NAALADL2: variants seen among roughly 807,000 people sequenced by gnomAD.
NAALADL2 encodes N-acetylated alpha-linked acidic dipeptidase like 2.
A neutral mutation model predicts 87.2 loss-of-function variants in NAALADL2; 76 were observed. The observed-to-expected ratio is 0.87, with a 90% CI of 0.72 to 1.05. NAALADL2 has a LOEUF of 1.05. Ranked by LOEUF, NAALADL2 falls within the 50% of genes least tolerant of loss-of-function variation. NAALADL2 has a pLI of 0.00. For missense variants in NAALADL2, 1,089 were observed against 945.8 expected, an observed-to-expected ratio of 1.15 and a Z score of -1.99; for synonymous variants, 354 against 331.0, an observed-to-expected ratio of 1.07 and a Z score of -0.75.
chr3:175,210,159 G>C (rs917995674), intron 2 of NAALADL2, among the ~76,000 whole-genome samples: 2 of 151,794 alleles, frequency 1.3e-5, no homozygotes, highest in African/African-American at 4.8e-5. Flanking sequence ...GGGTTGAATA[G>C]GGCGTTTACA....
At chr3:175,278,949 A>T (rs1021971456) in intron 4 of NAALADL2, among the ~76,000 whole-genome samples, 1 of 152,160 alleles carries the variant, frequency 6.6e-6, no homozygotes, top group African/African-American at 2.4e-5. Flanking sequence ...AAGTTAGATT[A>T]TATTTTTGTT....
At chr3:174,707,376 G>A (rs1455698950) in intron 2 of NAALADL2, among the ~76,000 whole-genome samples, 1 of 152,098 alleles carries the variant, frequency 6.6e-6, no homozygotes, top group Admixed American at 6.5e-5. Flanking sequence ...ATTCACAATA[G>A]CAAAGACTTG....
chr3:175,161,750 C>T (rs1356575660), intron 2 of NAALADL2, among the ~76,000 whole-genome samples: 2 of 150,040 alleles, frequency 1.3e-5, no homozygotes, highest in Non-Finnish European at 2.9e-5. Flanking sequence ...GTTTTATATT[C>T]TTCTTATAGT....
intron 8 of NAALADL2, among the ~76,000 whole-genome samples, chr3:175,469,633 C>T (rs2149286951): frequency 6.6e-6 from 1 of 152,126 alleles, no homozygotes; most frequent in African/African-American, 2.4e-5. Flanking sequence ...ACCATTTCTT[C>T]TGTGAAGAAT....
intron 11 of NAALADL2, among the ~76,000 whole-genome samples, chr3:175,732,027 T>G (rs2150066732): frequency 6.6e-6 from 1 of 152,330 alleles, no homozygotes; most frequent in African/African-American, 2.4e-5. Flanking sequence ...TCTTGTATGA[T>G]TTGGATGAAG....
intron 2 of NAALADL2, among the ~76,000 whole-genome samples, chr3:174,632,554 A>T (rs1403620951): frequency 6.6e-6 from 1 of 152,124 alleles, no homozygotes; most frequent in Admixed American, 6.5e-5. Context: ...TTCAGGGTTC[A>T]TTTTGGGTGA....
intron 4 of NAALADL2, among the ~76,000 whole-genome samples, chr3:175,291,178 CAT>C (rs1755596944): frequency 2.0e-5 from 3 of 152,104 alleles, no homozygotes; most frequent in Non-Finnish European, 1.5e-5. Context: ...AATAAATTCA[CAT>C]ATGTTTCTTC....
intron 2 of NAALADL2, among the ~76,000 whole-genome samples, chr3:175,160,014 C>CTTTTTTT (rs1732904695): frequency 3.0e-4 from 13 of 43,670 alleles, no homozygotes; most frequent in Non-Finnish European, 4.9e-4. Context: ...TTTTTTTTTA[C>CTTTTTTT]TTTTAGTAGA....
intron 1 of NAALADL2, among the ~76,000 whole-genome samples, chr3:174,861,526 C>G (rs1403150844): frequency 1.3e-5 from 2 of 152,034 alleles, no homozygotes; most frequent in Non-Finnish European, 2.9e-5. Context: ...ATTGTCAGCT[C>G]CACTTACAAA....
intron 11 of NAALADL2, among the ~76,000 whole-genome samples, chr3:175,658,607 A>G (rs1045267196): frequency 2.6e-5 from 4 of 152,276 alleles, no homozygotes; most frequent in Admixed American, 2.0e-4. Flanking sequence ...ACAAACAATC[A>G]GTTCTCCTAA....
At chr3:175,682,317 T>A (rs1206100810) in intron 11 of NAALADL2, among the ~76,000 whole-genome samples, 1 of 151,978 alleles carries the variant, frequency 6.6e-6, no homozygotes, top group Non-Finnish European at 1.5e-5. Context: ...AAGAATAGAT[T>A]AAAAGTAGAT....
intron 2 of NAALADL2, among the ~76,000 whole-genome samples, chr3:175,221,437 A>G (rs537589548): frequency 1.3e-4 from 20 of 152,170 alleles, no homozygotes; most frequent in African/African-American, 4.6e-4. Context: ...TTTCATGTGC[A>G]CTTATAAAGT....
At chr3:174,695,541 T>C (rs554347565) in intron 2 of NAALADL2, among the ~76,000 whole-genome samples, 1 of 152,014 alleles carries the variant, frequency 6.6e-6, no homozygotes, top group Non-Finnish European at 1.5e-5. Flanking sequence ...TATTTTAAAT[T>C]TTATATCACT....
intron 1 of NAALADL2, among the ~76,000 whole-genome samples, chr3:174,506,565 C>T (rs1719218294): frequency 6.6e-6 from 1 of 152,036 alleles, no homozygotes; most frequent in Non-Finnish European, 1.5e-5. Flanking sequence ...TCTAGTTTTT[C>T]ACCATATAAA....
At chr3:174,866,186 T>C (rs1423435780) in intron 1 of NAALADL2, among the ~76,000 whole-genome samples, 1 of 152,050 alleles carries the variant, frequency 6.6e-6, no homozygotes, top group South Asian at 2.1e-4. Flanking sequence ...ATCATTTCTA[T>C]AGAGGATAAG....
chr3:175,206,817 C>T (rs755626177), intron 2 of NAALADL2, among the ~76,000 whole-genome samples: 3 of 152,132 alleles, frequency 2.0e-5, no homozygotes, highest in Admixed American at 6.6e-5. Flanking sequence ...CTTAGGTCTG[C>T]TAATCCTTCC....
intron 10 of NAALADL2, among the ~76,000 whole-genome samples, chr3:175,589,985 G>A (rs1196308729): frequency 1.3e-5 from 2 of 152,076 alleles, no homozygotes; most frequent in Non-Finnish European, 2.9e-5. Flanking sequence ...GGCCGAGGCA[G>A]GCGGGTCACG....
chr3:175,187,309 T>G, intron 2 of NAALADL2, among the ~76,000 whole-genome samples: 1 of 152,234 alleles, frequency 6.6e-6, no homozygotes. Flanking sequence ...CTATAGGAAG[T>G]GCTGTAACAG....
At chr3:174,576,659 C>A (rs1286490275) in intron 2 of NAALADL2, among the ~76,000 whole-genome samples, 5 of 152,128 alleles carry the variant, frequency 3.3e-5, no homozygotes, top group Non-Finnish European at 4.4e-5. Context: ...TTTAAACAAA[C>A]CCTTAGGGAA....
Sources: gnomAD v4.1 joint callset for allele counts (sites outside exome capture counted in the v4.1 genomes callset) on GRCh38, gnomAD v4.1.1 for gene constraint, MANE v1.5 for transcripts, NCBI Gene and HGNC (gene_info 2026-07-23, HGNC 2026-07-21) for gene names.